The following PLCG2 variants were observed in gnomAD, a reference collection of about 807,000 sequenced individuals.
PLCG2 encodes the protein 1-phosphatidylinositol 4,5-bisphosphate phosphodiesterase gamma-2.
A neutral mutation model predicts 175.6 loss-of-function variants in PLCG2; 69 were observed. The ratio of observed to expected loss-of-function variants is 0.39; its 90% CI spans 0.32 to 0.48. PLCG2 has a LOEUF of 0.48. Among genes scored for constraint, PLCG2 ranks in the 20% least tolerant of loss-of-function variants. The pLI is 0.91. For missense variants in PLCG2, 1,798 were observed against 1,650.9 expected (o/e 1.09, Z -1.54); for synonymous variants, 827 against 624.0 (o/e 1.33, Z -4.85).
chr16:81,935,700 C>G (rs1426819637), intron 26 of PLCG2: 2 of 985,242 alleles, frequency 2.0e-6, no homozygotes, highest in African/African-American at 1.7e-5. Flanking sequence ...CCCCTTCCCT[C>G]TCCTCCTGTT....
chr16:81,903,271 C>T (rs1909228186), intron 14 of PLCG2, among the ~76,000 whole-genome samples: 1 of 152,172 alleles, frequency 6.6e-6, no homozygotes, highest in Non-Finnish European at 1.5e-5. Context: ...CACCAAGATA[C>T]ATTGGACACA....
At position 81,768,511 on chromosome 16, in the gene PLCG2, C is replaced by T. The variant is rs866829796; in HGVS notation, c.-48+12545C>T. 5.5e-4 allele frequency among the ~76,000 whole-genome samples: 82 copies of T among 149,958 alleles called. 1 individual carries two copies. Among genetic ancestry groups the T allele is most frequent in the African/African-American group, 2.0e-3 (80 of 40,742 alleles). On this transcript the variant is annotated intron_variant, in intron 2 of 5. Transcript: ENST00000565054. ...AGGCTGCACTGTTTTGCATTTCCAC[C>T]AGTGGATCCACATCCTCACCAGCAC... is the stretch of plus-strand genomic sequence containing the variant.
intron 7 of PLCG2, among the ~76,000 whole-genome samples, chr16:81,876,020 T>TTC (rs1377893630): frequency 4.4e-4 from 46 of 104,628 alleles, no homozygotes; most frequent in African/African-American, 1.6e-3. Context: ...TTCTTTCTTT[T>TTC]TTTTTTTTTT....
intron 14 of PLCG2, among the ~76,000 whole-genome samples, chr16:81,902,336 G>A (rs566447536): frequency 6.4e-4 from 97 of 152,272 alleles, no homozygotes; most frequent in South Asian, 2.7e-3. Flanking sequence ...TAAACAACAG[G>A]AACTGATTTC....
intron 31 of PLCG2, among the ~76,000 whole-genome samples, chr16:81,954,783 G>T (rs140276699): frequency 6.6e-6 from 1 of 152,096 alleles, no homozygotes; most frequent in African/African-American, 2.4e-5. Context: ...TGTTGTACAT[G>T]GTGCTGCAGT....
chr16:81,793,048 C>T (rs1429159026), intron 2 of PLCG2, among the ~76,000 whole-genome samples: 2 of 152,122 alleles, frequency 1.3e-5, no homozygotes, highest in Non-Finnish European at 2.9e-5. Context: ...AAACTTAATA[C>T]AATAAGACCA....
intron 2 of PLCG2, chr16:81,798,877 G>C (rs1911592826): frequency 6.6e-6 from 1 of 152,330 alleles, no homozygotes; most frequent in Non-Finnish European, 1.5e-5. Flanking sequence ...TCCTGCTTCG[G>C]CTGGATTTCA....
intron 2 of PLCG2, among the ~76,000 whole-genome samples, chr16:81,811,511 C>T (rs565869761): frequency 6.6e-6 from 1 of 152,060 alleles, no homozygotes; most frequent in Admixed American, 6.6e-5. Flanking sequence ...TAGTGCTATC[C>T]CTCCTCTAGT....
intron 2 of PLCG2, among the ~76,000 whole-genome samples, chr16:81,847,001 C>A (rs1034985430): frequency 6.6e-6 from 1 of 152,166 alleles, no homozygotes; most frequent in Non-Finnish European, 1.5e-5. Context: ...GAATCAGATT[C>A]CACAGGTTGA....
intron 14 of PLCG2, among the ~76,000 whole-genome samples, chr16:81,902,732 C>T (rs6564934): frequency 0.02 from 3,015 of 152,146 alleles, 115 homozygotes; most frequent in African/African-American, 0.07. Flanking sequence ...TCACACTGCT[C>T]ATAAAGACAT....
chr16:81,929,087 C>T (rs996806282), intron 24 of PLCG2, among the ~76,000 whole-genome samples: 4 of 152,186 alleles, frequency 2.6e-5, no homozygotes, highest in African/African-American at 9.7e-5. Flanking sequence ...GGCTGGGGCC[C>T]AGGAAACCCA....
chr16:81,791,476 G>C lies in PLCG2; in HGVS notation c.193+5294G>C, dbSNP rs571006049. On this transcript the variant is annotated intron_variant, in intron 2 of 32. Coordinates refer to ENST00000564138, the MANE Select transcript of PLCG2 (RefSeq NM_002661.5). Reference sequence around the variant, plus strand: ...TTGTAGCCTGGACTGAGGTCATTTGGTGTCACCTCGCCTGGAAGGTTCCAG... The same window carrying C: ...TTGTAGCCTGGACTGAGGTCATTTGCTGTCACCTCGCCTGGAAGGTTCCAG... 2.0e-5 allele frequency among the ~76,000 whole-genome samples: 3 copies of C among 152,270 alleles called. No individual in the cohort carries two copies. The East Asian group carries it at 5.8e-4, about 29-fold the overall frequency.
intron 5 of PLCG2, among the ~76,000 whole-genome samples, chr16:81,863,189 A>C (rs893423780): frequency 6.6e-5 from 10 of 152,194 alleles, no homozygotes; most frequent in Non-Finnish European, 1.3e-4. Context: ...GCAGCCATTA[A>C]GCAGTAACTC....
In PLCG2 at chr16:81,959,565, G is replaced by A. The variant is rs1484048165; in HGVS notation, c.*1567G>A. The A allele has an allele frequency of 1.5e-5, 3 of 203,082 alleles. No homozygotes were observed. Among genetic ancestry groups the A allele is most frequent in the East Asian group, 1.5e-4 (2 of 13,218 alleles). The allele number at this position is 203,082 out of a possible 1,614,324, so 12.6% of individuals were successfully genotyped here. A position where few individuals can be genotyped will look rare whatever the true frequency, so the allele number is the denominator to read the frequency against. On this transcript the variant is annotated 3_prime_UTR_variant, in exon 33 of 33. Transcript: ENST00000564138. ...ACACAGGGAACAGCAGTCTGGCCAA[G>A]GAAGGGCTGTTATCTGGTGCTATCA...
At chr16:81,912,368 A>T (rs576597669) in intron 18 of PLCG2, among the ~76,000 whole-genome samples, 2 of 152,300 alleles carry the variant, frequency 1.3e-5, no homozygotes, top group African/African-American at 4.8e-5. Flanking sequence ...GCTCGGCCCA[A>T]TGTATTATTT....
At chr16:81,817,126 G>A (rs1308373916) in intron 2 of PLCG2, among the ~76,000 whole-genome samples, 1 of 152,152 alleles carries the variant, frequency 6.6e-6, no homozygotes. Context: ...TGAAGACAAA[G>A]CCCTCTCTTT....
At chr16:81,756,988 G>T (rs1366589701) in intron 2 of PLCG2, among the ~76,000 whole-genome samples, 1 of 152,198 alleles carries the variant, frequency 6.6e-6, no homozygotes, top group African/African-American at 2.4e-5. Flanking sequence ...TTGGGCAAAG[G>T]AGAGGAAATG....
intron 31 of PLCG2, among the ~76,000 whole-genome samples, chr16:81,949,625 A>C (rs941473171): frequency 1.3e-5 from 2 of 152,214 alleles, no homozygotes; most frequent in African/African-American, 4.8e-5. Flanking sequence ...TAGTCAGAAA[A>C]GAAAACTTTT....
At chr16:81,778,051 A>AAAAAACAAAACAAACAAACAAAC (rs1597311883), upstream of PLCG2, among the ~76,000 whole-genome samples, 6 of 79,152 alleles carry the variant, frequency 7.6e-5, no homozygotes, top group East Asian at 3.0e-4. Context: ...AACAAAAAAA[A>AAAAAACAAAACAAACAAACAAAC]AAACAAAAAA....
Sources: gnomAD v4.1 joint callset for allele counts (sites outside exome capture counted in the v4.1 genomes callset) on GRCh38, gnomAD v4.1.1 for gene constraint, MANE v1.5 for transcripts, NCBI Gene and HGNC (gene_info 2026-07-23, HGNC 2026-07-21) for gene names.